NCF2: variants seen among roughly 807,000 people sequenced by gnomAD.
The protein encoded by NCF2 is neutrophil cytosolic factor 2, also known as neutrophil cytosol factor 2.
In NCF2, 45 loss-of-function variants were observed where a neutral mutation model predicts 70.9. That is an observed-to-expected ratio of 0.63 (90% CI 0.50 to 0.81). NCF2 has a LOEUF of 0.81. Ranked by LOEUF, NCF2 falls within the 40% of genes least tolerant of loss-of-function variation. NCF2 has a pLI of 0.00. For missense variants in NCF2, 522 were observed against 631.6 expected (o/e 0.83, Z 1.86); for synonymous variants, 203 against 233.6 (o/e 0.87, Z 1.19).
rs34708305 is a variant in NCF2, at chr1:183,566,668, A to AC, written c.924+251dup. Among the ~76,000 whole-genome samples, 2,903 of 152,294 alleles carry AC rather than the reference A, an allele frequency of 0.019. 103 individuals are homozygous for AC. Among genetic ancestry groups the AC allele is most frequent in the African/African-American group, 0.067 (2,776 of 41,548 alleles). On this transcript the variant is annotated intron_variant, in intron 9 of 14. Transcript: ENST00000367535. ...GGCTTTGCTTCCCAAGTGACTTCTGACCAGGAAGAGTCACAGAGGTGGGTG... is the reference window on the plus strand; with the variant it reads ...GGCTTTGCTTCCCAAGTGACTTCTGACCCAGGAAGAGTCACAGAGGTGGGTG...
At chr1:183,598,422 G>GT in the NCF2 span, among the ~76,000 whole-genome samples, 3 of 152,164 alleles carry the variant, frequency 2.0e-5, no homozygotes, top group Non-Finnish European at 4.4e-5. Context: ...GATGAGGGAA[G>GT]TGGGGAGGCA....
upstream of NCF2, among the ~76,000 whole-genome samples, chr1:183,593,904 T>C (rs1442491290): frequency 6.6e-6 from 1 of 152,104 alleles, no homozygotes; most frequent in East Asian, 1.9e-4. Context: ...CTGGGAAAGA[T>C]TTCTTCCCCA....
At position 183,558,597 on chromosome 1, in the gene NCF2, G is replaced by A. The variant is rs180831437; in HGVS notation, c.1468+1499C>T. Among the ~76,000 whole-genome samples, 25 of 148,038 alleles carry A rather than the reference G, an allele frequency of 1.7e-4. No homozygotes were observed. In the East Asian group the frequency reaches 4.2e-3, roughly 25 times the overall value. On this transcript the variant is annotated intron_variant, in intron 14 of 14. Coordinates refer to ENST00000367535, the MANE Select transcript of NCF2 (RefSeq NM_000433.4). Reference sequence around the variant, plus strand: ...TTTATTTTTTTTAAGACAGAGTCTCGCTCTGTCACCCAGGCTGGAGGGCAG... The same window carrying A: ...TTTATTTTTTTTAAGACAGAGTCTCACTCTGTCACCCAGGCTGGAGGGCAG...
chr1:183,589,566 C>A (rs1404229195), intron 1 of NCF2, among the ~76,000 whole-genome samples: 2 of 152,170 alleles, frequency 1.3e-5, no homozygotes, highest in Non-Finnish European at 2.9e-5. Context: ...GAAAAAGATG[C>A]GAGACATCCC....
chr1:183,593,172 G>C (rs1673717667), upstream of NCF2, among the ~76,000 whole-genome samples: 1 of 130,370 alleles, frequency 7.7e-6, no homozygotes, highest in African/African-American at 2.9e-5. Flanking sequence ...GGAAGTCCTG[G>C]GCTAACCCAT....
Position 183,569,334 on chromosome 1 carries a change from G to C in NCF2, c.670-149C>G, listed in dbSNP as rs893741981. 6.5e-6 allele frequency: 5 copies of C among 771,672 alleles called. No homozygotes were observed. In the African/African-American group the frequency reaches 8.5e-5, roughly 13 times the overall value. 47.8% of individuals were successfully genotyped at this position (771,672 alleles called of 1,614,324 possible). On this transcript the variant is annotated intron_variant, in intron 6 of 14. Transcript: ENST00000367535. ...GACTGATGAGAACACTGTCTAGGAA[G>C]AGGGCACAGTCACCCTGACTAAACA... is the stretch of plus-strand genomic sequence containing the variant.
intron 14 of NCF2, among the ~76,000 whole-genome samples, chr1:183,558,255 A>AT (rs1164976455): frequency 6.7e-6 from 1 of 149,858 alleles, no homozygotes; most frequent in Non-Finnish European, 1.5e-5. Flanking sequence ...TTTAATTTTA[A>AT]TTTTTTTGTT....
chr1:183,579,192 C>G (rs577011641), intron 2 of NCF2, among the ~76,000 whole-genome samples: 1 of 152,328 alleles, frequency 6.6e-6, no homozygotes, highest in African/African-American at 2.4e-5. Flanking sequence ...CTGCCACTAA[C>G]TGGGGGACCC....
At chr1:183,597,251 C>T in the NCF2 span, among the ~76,000 whole-genome samples, 1 of 152,116 alleles carries the variant, frequency 6.6e-6, no homozygotes, top group African/African-American at 2.4e-5. Context: ...TACATGTGTT[C>T]AAAACTCCGT....
At chr1:183,557,466 A>ATTTGG (rs1671841314) in intron 14 of NCF2, among the ~76,000 whole-genome samples, 1 of 152,242 alleles carries the variant, frequency 6.6e-6, no homozygotes, top group African/African-American at 2.4e-5. Context: ...CCAGAGTCAG[A>ATTTGG]ATCCATTTAG....
chr1:183,599,480 T>TTC, the NCF2 span, among the ~76,000 whole-genome samples: 2 of 134,264 alleles, frequency 1.5e-5, no homozygotes, highest in African/African-American at 2.9e-5. Flanking sequence ...CTTTCTTTCT[T>TTC]TCTCTTTTCT....
chr1:183,581,287 AAAAAAAAAAAG>A, intron 2 of NCF2, among the ~76,000 whole-genome samples: 1 of 129,136 alleles, frequency 7.7e-6, no homozygotes, highest in Middle Eastern at 3.8e-3. Flanking sequence ...GACTCAAAAA[AAAAAAAAAAAG>A]AAAGAAAGAA....
the NCF2 span, among the ~76,000 whole-genome samples, chr1:183,598,408 C>A: frequency 6.6e-6 from 1 of 151,874 alleles, no homozygotes; most frequent in African/African-American, 2.4e-5. Context: ...CTCAGGAATA[C>A]GGAGATGAGG....
intron 2 of NCF2, among the ~76,000 whole-genome samples, chr1:183,580,172 G>C (rs1672995739): frequency 6.6e-6 from 1 of 152,186 alleles, no homozygotes; most frequent in Non-Finnish European, 1.5e-5. Context: ...AATAAAAGAA[G>C]AGAGCTTGGG....
intron 2 of NCF2, among the ~76,000 whole-genome samples, chr1:183,586,164 A>G (rs2102932400): frequency 6.6e-6 from 1 of 152,270 alleles, no homozygotes; most frequent in Middle Eastern, 3.4e-3. Context: ...GAGAAACCCC[A>G]TCTCTACTAA....
At chr1:183,563,848 A>G (rs890861733) in intron 11 of NCF2, 157 bp downstream of exon 11, 1 of 895,572 alleles carries the variant, frequency 1.1e-6, no homozygotes. Flanking sequence ...GGAGGAGGCT[A>G]TTAAGAAGGT....
At chr1:183,571,757 TGA>T (rs1672573262) in intron 5 of NCF2, among the ~76,000 whole-genome samples, 2 of 152,326 alleles carry the variant, frequency 1.3e-5, no homozygotes, top group African/African-American at 4.8e-5. Context: ...TGCCAGGCTG[TGA>T]GGACTCAGTG....
chr1:183,589,305 A>G (rs1309263472), intron 1 of NCF2, among the ~76,000 whole-genome samples: 3 of 152,190 alleles, frequency 2.0e-5, no homozygotes, highest in African/African-American at 7.2e-5. Flanking sequence ...GTTCCACGAG[A>G]CATTAATAGT....
chr1:183,578,236 T>C (rs978925763), intron 2 of NCF2, among the ~76,000 whole-genome samples: 1 of 152,184 alleles, frequency 6.6e-6, no homozygotes, highest in African/African-American at 2.4e-5. Flanking sequence ...TCTTTTGAGT[T>C]CAACTTAGAG....
Sources: allele counts gnomAD v4.1 joint callset (sites outside exome capture counted in the v4.1 genomes callset), GRCh38; gene constraint gnomAD v4.1.1; transcripts MANE v1.5; gene names NCBI Gene and HGNC (gene_info 2026-07-23, HGNC 2026-07-21).